The following LIPC variants were observed in gnomAD, a reference collection of about 807,000 sequenced individuals.
The protein encoded by LIPC is lipase C, hepatic type, also known as hepatic triacylglycerol lipase.
Under a neutral mutation model 50.7 loss-of-function variants are expected in LIPC, and 44 were observed. That is an observed-to-expected ratio of 0.87 (90% confidence interval 0.68 to 1.11). The LOEUF (loss-of-function observed/expected upper bound fraction) is 1.11. Among genes scored for constraint, LIPC ranks in the 50% most tolerant of loss-of-function variants. The pLI, the probability that LIPC is intolerant of heterozygous loss-of-function variation, is 0.00. For synonymous variants in LIPC, 271 were observed against 256.4 expected, an observed-to-expected ratio of 1.06 and a Z score of -0.54; for missense variants, 697 against 648.2, an observed-to-expected ratio of 1.08 and a Z score of -0.82.
chr15:58,512,803 C>T (rs1892369045), intron 1 of LIPC, among the ~76,000 whole-genome samples: 1 of 152,044 alleles, frequency 6.6e-6, no homozygotes, highest in Non-Finnish European at 1.5e-5. Context: ...AAATCCTGCC[C>T]CTGTCCTCAA....
At chr15:58,566,457 A>C in intron 8 of LIPC, 1 of 985,106 alleles carries the variant, frequency 1.0e-6, no homozygotes. Context: ...CATAATATAC[A>C]TTTCATGAGA....
chr15:58,501,981 C>T (rs1210446925), intron 1 of LIPC, among the ~76,000 whole-genome samples: 3 of 152,142 alleles, frequency 2.0e-5, no homozygotes, highest in Non-Finnish European at 4.4e-5. Context: ...CACCCACTCT[C>T]CTGGGGAGGC....
intron 1 of LIPC, among the ~76,000 whole-genome samples, chr15:58,493,846 C>A (rs62001848): frequency 0.015 from 2,344 of 151,858 alleles, 30 homozygotes; most frequent in Non-Finnish European, 0.026. Context: ...GAACAACTCC[C>A]ACGGGTGTTT....
intron 1 of LIPC, among the ~76,000 whole-genome samples, chr15:58,467,499 C>T (rs897400180): frequency 1.3e-5 from 2 of 152,112 alleles, no homozygotes; most frequent in East Asian, 1.9e-4. Flanking sequence ...CCACTTTTAC[C>T]GGGTTTAATG....
At chr15:58,451,133 G>A (rs775513072) in intron 1 of LIPC, among the ~76,000 whole-genome samples, 13 of 152,314 alleles carry the variant, frequency 8.5e-5, no homozygotes, top group Admixed American at 4.6e-4. Flanking sequence ...TTGGAGGCAT[G>A]TATCCCCAGA....
chr15:58,469,223 C>T (rs1379372351), intron 1 of LIPC, among the ~76,000 whole-genome samples: 1 of 151,454 alleles, frequency 6.6e-6, no homozygotes, highest in East Asian at 1.9e-4. Flanking sequence ...TAACATTGAA[C>T]TCCTGGCCCA....
intron 4 of LIPC, 31 bp downstream of exon 4, chr15:58,542,682 C>A: frequency 7.0e-7 from 1 of 1,424,666 alleles, no homozygotes; most frequent in Non-Finnish European, 9.9e-7. Flanking sequence ...ACACACTGAT[C>A]TCCACTCCAT....
intron 1 of LIPC, among the ~76,000 whole-genome samples, chr15:58,446,648 A>G (rs1371993184): frequency 6.6e-6 from 1 of 151,786 alleles, no homozygotes; most frequent in Non-Finnish European, 1.5e-5. Flanking sequence ...CCTCTCTCCC[A>G]TGGCGCTGGC....
At chr15:58,509,376 G>A (rs1331229849) in intron 1 of LIPC, among the ~76,000 whole-genome samples, 1 of 152,110 alleles carries the variant, frequency 6.6e-6, no homozygotes, top group African/African-American at 2.4e-5. Context: ...AATTGCTGTA[G>A]AATCAAGAAG....
intron 1 of LIPC, among the ~76,000 whole-genome samples, chr15:58,513,746 T>C (rs949883289): frequency 2.4e-4 from 37 of 152,222 alleles, no homozygotes; most frequent in African/African-American, 8.4e-4. Context: ...GTTGTGCAGC[T>C]GAGAATTCTG....
intron 1 of LIPC, among the ~76,000 whole-genome samples, chr15:58,483,728 T>G (rs1257357799): frequency 6.6e-6 from 1 of 152,178 alleles, no homozygotes; most frequent in Non-Finnish European, 1.5e-5. Context: ...CAAGTTGTCC[T>G]ACATCAATTT....
At chr15:58,543,702 T>C (rs1382379329) in intron 4 of LIPC, among the ~76,000 whole-genome samples, 7 of 152,166 alleles carry the variant, frequency 4.6e-5, no homozygotes, top group African/African-American at 1.7e-4. Context: ...AATGGCATGA[T>C]GTTAACTCAC....
chr15:58,563,453 C>A, intron 7 of LIPC, 52 bp from the exon 8 acceptor site: 1 of 1,455,356 alleles, frequency 6.9e-7, no homozygotes, highest in South Asian at 1.1e-5. Flanking sequence ...GTGACCGTCA[C>A]TTTGCTGTTA....
intron 1 of LIPC, among the ~76,000 whole-genome samples, chr15:58,512,960 C>T (rs543026397): frequency 6.2e-5 from 8 of 129,234 alleles, no homozygotes; most frequent in Non-Finnish European, 8.5e-5. Context: ...AAAGCATCAA[C>T]GAAAAAAAAA....
chr15:58,470,660 C>T (rs1454159377), intron 1 of LIPC, among the ~76,000 whole-genome samples: 2 of 146,114 alleles, frequency 1.4e-5, no homozygotes, highest in Admixed American at 6.9e-5. Flanking sequence ...AGTTCTGTGG[C>T]GAGATCTCGG....
At chr15:58,478,005 G>A (rs1195685832) in intron 1 of LIPC, among the ~76,000 whole-genome samples, 2 of 151,842 alleles carry the variant, frequency 1.3e-5, no homozygotes, top group Non-Finnish European at 2.9e-5. Flanking sequence ...CCCACCCCAT[G>A]CACACCTGTC....
At chr15:58,442,759 C>T (rs1272391691) in intron 1 of LIPC, among the ~76,000 whole-genome samples, 1 of 152,182 alleles carries the variant, frequency 6.6e-6, no homozygotes, top group Admixed American at 6.5e-5. Context: ...TCTGGTATAG[C>T]TGAAACATGG....
intron 1 of LIPC, among the ~76,000 whole-genome samples, chr15:58,498,131 G>C (rs2140829324): frequency 6.6e-6 from 1 of 152,256 alleles, no homozygotes; most frequent in South Asian, 2.1e-4. Flanking sequence ...TGATTAACAG[G>C]AAAGGGAAGA....
chr15:58,566,484 A>T (rs1203486349), intron 8 of LIPC: 2 of 983,600 alleles, frequency 2.0e-6, no homozygotes, highest in African/African-American at 3.5e-5. Flanking sequence ...ACAACTACTA[A>T]TTTTTTAGTG....
Sources: allele counts gnomAD v4.1 joint callset (sites outside exome capture counted in the v4.1 genomes callset), GRCh38; gene constraint gnomAD v4.1.1; transcripts MANE v1.5; gene names NCBI Gene and HGNC (gene_info 2026-07-23, HGNC 2026-07-21).